The following RHOQ variants were observed in gnomAD, a reference collection of about 807,000 sequenced individuals.
RHOQ encodes rho-related GTP-binding protein RhoQ.
In RHOQ, 7 loss-of-function variants were observed where a neutral mutation model predicts 25.8. The observed-to-expected ratio is 0.27, with a 90% CI of 0.15 to 0.51. RHOQ has a LOEUF of 0.51. Ranked by LOEUF, RHOQ falls within the 20% of genes least tolerant of loss-of-function variation. RHOQ has a pLI of 0.97. For synonymous variants in RHOQ, 97 were observed against 98.6 expected (o/e 0.98, Z 0.10); for missense variants, 165 against 260.6 (o/e 0.63, Z 2.53).
At position 46,556,659 on chromosome 2, in the gene RHOQ, A is replaced by G. The variant is rs573877020; in HGVS notation, c.201+12847A>G. Among the ~76,000 whole-genome samples the G allele has an allele frequency of 1.3e-5, 2 of 152,178 alleles. No individual in the cohort carries two copies. The highest frequency in any genetic ancestry group is 3.9e-4 in the East Asian group (2 of 5,182). Reference sequence around the variant, plus strand: ...AGTGAGGTGAGGAACACAAAATTCCATCCGATCGGGTTCTTCCCCCGTAGG... The same window carrying G: ...AGTGAGGTGAGGAACACAAAATTCCGTCCGATCGGGTTCTTCCCCCGTAGG... On this transcript the variant is annotated intron_variant, in intron 2 of 4. Transcript: ENST00000238738. The surrounding 1 kb of genome is among the most constrained non-coding windows in gnomAD (Gnocchi z 4.9).
intron 4 of RHOQ, 44 bp from the exon 5 acceptor site, chr2:46,580,884 T>TAAAC: frequency 7.2e-7 from 1 of 1,383,988 alleles, no homozygotes; most frequent in Non-Finnish European, 9.5e-7. Flanking sequence ...GCCAATTGTA[T>TAAAC]AAACATGATC....
intron 2 of RHOQ, among the ~76,000 whole-genome samples, chr2:46,565,034 G>C (rs923397263): frequency 2.6e-5 from 4 of 152,170 alleles, no homozygotes; most frequent in African/African-American, 9.7e-5. Context: ...AGGAGAGGAG[G>C]TGGGGAGCAG....
intron 2 of RHOQ, among the ~76,000 whole-genome samples, chr2:46,567,021 A>G (rs1237194944): frequency 1.3e-5 from 2 of 152,316 alleles, no homozygotes; most frequent in Non-Finnish European, 2.9e-5. Flanking sequence ...CATTTTTATA[A>G]CAAATACTTC....
intron 2 of RHOQ, among the ~76,000 whole-genome samples, chr2:46,557,849 C>G (rs1668451956): frequency 6.6e-6 from 1 of 152,114 alleles, no homozygotes; most frequent in Non-Finnish European, 1.5e-5. Flanking sequence ...GCCTGAGCTC[C>G]CTTTCACACA....
intron 2 of RHOQ, among the ~76,000 whole-genome samples, chr2:46,559,123 TTTTG>T (rs1178785865): frequency 1.4e-4 from 22 of 152,104 alleles, no homozygotes; most frequent in Admixed American, 1.1e-3. Context: ...CTGGCTAGTT[TTTTG>T]TTTGTTTGTT....
At position 46,552,908 on chromosome 2, in the gene RHOQ, A is replaced by G. The variant is rs945600027; in HGVS notation, c.201+9096A>G. On this transcript the variant is annotated intron_variant, in intron 2 of 4. Transcript: ENST00000238738. This position sits in a 1 kb window ranked among gnomAD's most constrained non-coding sequence, Gnocchi z 5.0. ...GGAGGTGAAATGCTAGTAAGAGTTA[A>G]GTTGAGTAAGGTTGTTTCCACGAAA... Among the ~76,000 whole-genome samples, 1 of 152,208 alleles carries G rather than the reference A, an allele frequency of 6.6e-6. No individual in the cohort carries two copies. Among genetic ancestry groups the G allele is most frequent in the Non-Finnish European group, 1.5e-5 (1 of 68,034 alleles).
intron 4 of RHOQ, among the ~76,000 whole-genome samples, chr2:46,579,473 T>C (rs1669265577): frequency 6.6e-6 from 1 of 152,206 alleles, no homozygotes; most frequent in South Asian, 2.1e-4. Context: ...CAAGTCCATC[T>C]ACATGGCTGA....
intron 2 of RHOQ, among the ~76,000 whole-genome samples, chr2:46,561,043 A>C (rs1024514087): frequency 3.5e-5 from 5 of 144,398 alleles, no homozygotes; most frequent in Non-Finnish European, 6.1e-5. Context: ...CACACACACA[A>C]AACCTGTATA....
At chr2:46,571,422 C>G (rs1431418001) in intron 2 of RHOQ, among the ~76,000 whole-genome samples, 1 of 152,224 alleles carries the variant, frequency 6.6e-6, no homozygotes, top group East Asian at 1.9e-4. Flanking sequence ...GCTGCACATT[C>G]AAGTGCATTG....
At chr2:46,565,100 TTGGACAAGCCAG>T (rs942579340) in intron 2 of RHOQ, among the ~76,000 whole-genome samples, 5 of 152,284 alleles carry the variant, frequency 3.3e-5, no homozygotes, top group African/African-American at 1.2e-4. Context: ...AGGAGCTACG[TTGGACAAGCCAG>T]TGAATACTTT....
chr2:46,545,903 T>C (rs1292951092), intron 2 of RHOQ, among the ~76,000 whole-genome samples: 1 of 152,140 alleles, frequency 6.6e-6, no homozygotes, highest in Admixed American at 6.5e-5. Context: ...ATTACTCTTT[T>C]TAGTGGAGGA....
Position 46,565,448 on chromosome 2 carries a change from C to A in RHOQ, c.202-10639C>A, listed in dbSNP as rs552928318. Among the ~76,000 whole-genome samples the A allele has an allele frequency of 1.2e-4, 19 of 152,308 alleles. No homozygotes were observed. In the South Asian group the frequency reaches 3.9e-3, roughly 32 times the overall value. The stretch of plus-strand genomic sequence containing the variant: ...GTGAAAAGCAGCAGGAACTAAAATG[C>A]TTAAAGCATCACTCAGTCTGAGGCT... On this transcript the variant is annotated intron_variant, in intron 2 of 4. Coordinates refer to ENST00000238738, the MANE Select transcript of RHOQ (RefSeq NM_012249.4).
At position 46,543,823 on chromosome 2, in the gene RHOQ, T is replaced by C; in HGVS notation, c.201+11T>C. ...GACACGGCCGGACAGGTGAGTGTCTTGGCCTCTGGCCGACGCCCCCCTCCT... is the reference window on the plus strand; with the variant it reads ...GACACGGCCGGACAGGTGAGTGTCTCGGCCTCTGGCCGACGCCCCCCTCCT... On this transcript the variant is annotated intron_variant, in intron 2 of 4. Transcript: ENST00000238738. 6.2e-7 allele frequency: 1 copy of C among 1,611,470 alleles called. No homozygotes were observed. The highest frequency in any genetic ancestry group is 8.5e-7 in the Non-Finnish European group (1 of 1,178,550).
At position 46,576,329 on chromosome 2, in the gene RHOQ, C is replaced by A; in HGVS notation, c.366+78C>A. 1 of 1,244,804 alleles carries A rather than the reference C, an allele frequency of 8.0e-7. No individual in the cohort carries two copies. The highest frequency in any genetic ancestry group is 1.1e-6 in the Non-Finnish European group (1 of 883,666). The allele number at this position is 1,244,804 out of a possible 1,614,324, so 77.1% of individuals were successfully genotyped here. Reference sequence around the variant, plus strand: ...AGAGGCTGCTCTCAGACAAACAGTCCCAAAGCTGAGCAAATGATGTAAGTG... The same window carrying A: ...AGAGGCTGCTCTCAGACAAACAGTCACAAAGCTGAGCAAATGATGTAAGTG... On this transcript the variant is annotated intron_variant, in intron 3 of 4. Transcript: ENST00000238738. The surrounding 1 kb of genome is among the most constrained non-coding windows in gnomAD (Gnocchi z 5.1).
chr2:46,562,802 G>C (rs528995405), intron 2 of RHOQ, among the ~76,000 whole-genome samples: 87 of 152,160 alleles, frequency 5.7e-4, no homozygotes, highest in African/African-American at 2.0e-3. Context: ...TTTAGTCCTT[G>C]CCTGCCATGT....
intron 1 of RHOQ, chr2:46,543,543 AG>A: frequency 1.6e-6 from 1 of 609,206 alleles, no homozygotes; most frequent in Non-Finnish European, 3.0e-6. Flanking sequence ...ACTTGGGAGA[AG>A]GGGGTGGACG....
chr2:46,559,629 C>A (rs905922438), intron 2 of RHOQ, among the ~76,000 whole-genome samples: 66 of 152,270 alleles, frequency 4.3e-4, no homozygotes, highest in African/African-American at 1.6e-3. Flanking sequence ...CCAGCAGCAT[C>A]CCTCCTCCAT....
rs1668107698 is a variant in RHOQ at position 46,547,447 on chromosome 2, GA to G, written c.201+3636del. ...CTGCTGCTATTAGCAGACAAAGAGA[GA>G]GAATGGGAGAGAGAGTGTATTGGAC... On this transcript the variant is annotated intron_variant, in intron 2 of 4. Coordinates refer to ENST00000238738, the MANE Select transcript of RHOQ (RefSeq NM_012249.4). 5.9e-5 allele frequency among the ~76,000 whole-genome samples: 9 copies of G among 152,382 alleles called. No homozygotes were observed. The South Asian group carries it at 1.9e-3, about 32-fold the overall frequency.
At chr2:46,559,345 T>C (rs565418804) in intron 2 of RHOQ, among the ~76,000 whole-genome samples, 5 of 152,332 alleles carry the variant, frequency 3.3e-5, no homozygotes, top group Admixed American at 2.0e-4. Flanking sequence ...AGGATATTAA[T>C]GATAGTGTTT....
Sources: allele counts gnomAD v4.1 joint callset (sites outside exome capture counted in the v4.1 genomes callset), GRCh38; gene constraint gnomAD v4.1.1; non-coding constraint Gnocchi (gnomAD v3.1); transcripts MANE v1.5; gene names NCBI Gene and HGNC (gene_info 2026-07-23, HGNC 2026-07-21).